CFAP206: variants seen among roughly 807,000 people sequenced by gnomAD.
CFAP206 encodes the protein cilia and flagella associated protein 206, also known as cilia- and flagella-associated protein 206.
Under a neutral mutation model 65.4 loss-of-function variants are expected in CFAP206, and 53 were observed. The ratio of observed to expected loss-of-function variants is 0.81; its 90% CI spans 0.65 to 1.02. The LOEUF is 1.02. Among genes scored for constraint, CFAP206 ranks in the 50% least tolerant of loss-of-function variants. CFAP206 has a pLI of 0.00. For missense variants in CFAP206, 663 were observed against 753.2 expected (o/e 0.88, Z 1.40); for synonymous variants, 250 against 254.4 (o/e 0.98, Z 0.17).
chr6:87,437,520 C>A (rs1362681695), intron 11 of CFAP206, among the ~76,000 whole-genome samples: 1 of 152,052 alleles, frequency 6.6e-6, no homozygotes, highest in Admixed American at 6.6e-5. Flanking sequence ...TAAGTTGAAT[C>A]CTTCATTGAA....
At chr6:87,435,075 T>C in intron 11 of CFAP206, 22 bp downstream of exon 11, 1 of 1,488,434 alleles carries the variant, frequency 6.7e-7, no homozygotes, top group Non-Finnish European at 9.2e-7. Context: ...CAATATTTTA[T>C]GAATTTATGA....
Position 87,425,859 on chromosome 6 carries a change from ATCAAG to A in CFAP206, c.841-664_841-660del, listed in dbSNP as rs747381394. The A allele has an allele frequency of 3.8e-5, 6 of 157,074 alleles. No homozygotes were observed. In the East Asian group the frequency reaches 1.0e-3, roughly 27 times the overall value. The allele number at this position is 157,074 out of a possible 1,614,324, so 9.7% of individuals were successfully genotyped here. ...TCATTTCAGTTCTGCATTCATAGTA[ATCAAG>A]TCTTTAACCCTAGCAAACTTCCTTA... On this transcript the variant is annotated intron_variant, in intron 7 of 12. Coordinates refer to ENST00000369562, the MANE Select transcript of CFAP206 (RefSeq NM_001031743.3).
At chr6:87,431,477 C>T (rs867207716) in intron 10 of CFAP206, among the ~76,000 whole-genome samples, 7 of 152,142 alleles carry the variant, frequency 4.6e-5, no homozygotes, top group African/African-American at 1.2e-4. Context: ...AAATGTTACA[C>T]GACATTGGCT....
At chr6:87,411,898 A>G (rs1374058773) in intron 3 of CFAP206, among the ~76,000 whole-genome samples, 3 of 152,244 alleles carry the variant, frequency 2.0e-5, no homozygotes, top group Admixed American at 6.5e-5. Context: ...ATATCTTTAA[A>G]AAGTAAAAAC....
chr6:87,426,120 T>C (rs926229561), intron 7 of CFAP206: 19 of 153,662 alleles, frequency 1.2e-4, no homozygotes, highest in African/African-American at 4.3e-4. Context: ...CCTAACAGGT[T>C]TTTCTCAATG....
chr6:87,440,874 G>C (rs1205305630), intron 11 of CFAP206, among the ~76,000 whole-genome samples: 2 of 152,248 alleles, frequency 1.3e-5, no homozygotes, highest in East Asian at 3.9e-4. Flanking sequence ...TTTCACAAGT[G>C]TTAAGAAGTA....
At chr6:87,433,305 AG>A (rs1240857996) in intron 10 of CFAP206, among the ~76,000 whole-genome samples, 2 of 152,184 alleles carry the variant, frequency 1.3e-5, no homozygotes, top group African/African-American at 4.8e-5. Flanking sequence ...TTTTGAGAGC[AG>A]GGAATTTGTT....
chr6:87,464,392 T>C lies in CFAP206; in HGVS notation c.*142T>C. On this transcript the variant is annotated 3_prime_UTR_variant, in exon 13 of 13. Transcript: ENST00000369562. ...TGACTGTTTATTGGGTTCCCATATTTTATCAAACTGTTTTCTGTAACACAT... is the reference window on the plus strand; with the variant it reads ...TGACTGTTTATTGGGTTCCCATATTCTATCAAACTGTTTTCTGTAACACAT... 1 of 505,090 alleles carries C rather than the reference T, an allele frequency of 2.0e-6. No homozygotes were observed. Among genetic ancestry groups the C allele is most frequent in the East Asian group, 3.1e-5 (1 of 32,598 alleles). The allele number at this position is 505,090 out of a possible 1,614,324, so 31.3% of individuals were successfully genotyped here. A position where few individuals can be genotyped will look rare whatever the true frequency, so the allele number is the denominator to read the frequency against.
chr6:87,428,875 A>T (rs372549246), intron 9 of CFAP206, 51 bp downstream of exon 9: 172 of 1,483,286 alleles, frequency 1.2e-4, no homozygotes, highest in Non-Finnish European at 1.6e-4. Flanking sequence ...TACCTCTAGA[A>T]TAAAGTCACT....
At chr6:87,425,847 G>A (rs1768033246) in intron 7 of CFAP206, 2 of 155,520 alleles carry the variant, frequency 1.3e-5, no homozygotes, top group African/African-American at 2.4e-5. Context: ...TTTCAGTTCT[G>A]CATTCATAGT....
At chr6:87,461,209 T>A (rs963593013) in intron 12 of CFAP206, 44 bp downstream of exon 12, 2 of 1,354,130 alleles carry the variant, frequency 1.5e-6, no homozygotes, top group Non-Finnish European at 2.0e-6. Flanking sequence ...GTTGGGGAAT[T>A]TTAATCTATT....
At chr6:87,452,088 C>T (rs1768556274) in intron 11 of CFAP206, among the ~76,000 whole-genome samples, 1 of 152,184 alleles carries the variant, frequency 6.6e-6, no homozygotes, top group Admixed American at 6.5e-5. Flanking sequence ...TGCATCACCT[C>T]TCCTCCCACT....
intron 7 of CFAP206, among the ~76,000 whole-genome samples, chr6:87,420,679 C>T (rs1240526610): frequency 6.6e-6 from 1 of 152,198 alleles, no homozygotes; most frequent in Non-Finnish European, 1.5e-5. Context: ...TGATTATCAT[C>T]ATCATCATTG....
At chr6:87,444,460 G>T in intron 11 of CFAP206, 1 of 223,010 alleles carries the variant, frequency 4.5e-6, no homozygotes, top group South Asian at 7.8e-5. Flanking sequence ...CCATTTTACT[G>T]GTATTTTGAC....
intron 11 of CFAP206, among the ~76,000 whole-genome samples, chr6:87,449,998 A>G (rs1310243643): frequency 6.6e-6 from 1 of 152,160 alleles, no homozygotes; most frequent in Admixed American, 6.5e-5. Flanking sequence ...ATTTTTACAT[A>G]TGGTGAGAGA....
intron 7 of CFAP206, among the ~76,000 whole-genome samples, 166 bp from the exon 8 acceptor site, chr6:87,426,360 C>G (rs1315728533): frequency 6.6e-6 from 1 of 152,202 alleles, no homozygotes; most frequent in Non-Finnish European, 1.5e-5. Flanking sequence ...GAGCCCCATA[C>G]ATATGCTGGT....
intron 7 of CFAP206, among the ~76,000 whole-genome samples, chr6:87,418,768 G>A (rs1767882191): frequency 6.6e-6 from 1 of 152,150 alleles, no homozygotes; most frequent in Admixed American, 6.5e-5. Context: ...AATAATTTTT[G>A]TGTAATTATT....
intron 11 of CFAP206, among the ~76,000 whole-genome samples, chr6:87,437,726 G>A (rs1226523685): frequency 6.6e-6 from 1 of 151,642 alleles, no homozygotes; most frequent in African/African-American, 2.4e-5. Context: ...CATGAACATG[G>A]CTCACTACAG....
chr6:87,446,663 G>A (rs556036487), intron 11 of CFAP206, among the ~76,000 whole-genome samples: 1 of 152,148 alleles, frequency 6.6e-6, no homozygotes, highest in East Asian at 1.9e-4. Context: ...GCTTAGGATT[G>A]TCTTGACTAT....
Sources: allele counts gnomAD v4.1 joint callset (sites outside exome capture counted in the v4.1 genomes callset), GRCh38; gene constraint gnomAD v4.1.1; transcripts MANE v1.5; gene names NCBI Gene and HGNC (gene_info 2026-07-23, HGNC 2026-07-21).